Variants in GALNT1 observed in about 807,000 individuals in gnomAD.
GALNT1 encodes the protein polypeptide N-acetylgalactosaminyltransferase 1.
Under a neutral mutation model 65.7 loss-of-function variants are expected in GALNT1, and 17 were observed. The observed-to-expected ratio is 0.26, with a 90% CI of 0.18 to 0.39. The LOEUF (loss-of-function observed/expected upper bound fraction) is 0.39, where lower values mean the gene tolerates loss of function less well. GALNT1 is among the 10% of genes least tolerant of loss of function. The pLI is 1.00. For synonymous variants in GALNT1, 210 were observed against 219.7 expected (o/e 0.96, Z 0.39); for missense variants, 460 against 672.8 (o/e 0.68, Z 3.50).
intron 1 of GALNT1, among the ~76,000 whole-genome samples, chr18:35,648,130 A>AG (rs2047258620): frequency 8.3e-6 from 1 of 120,276 alleles, no homozygotes; most frequent in African/African-American, 3.1e-5. Context: ...GAGGGAGGGA[A>AG]GGAAGGAAGG....
rs981296241 is a variant in GALNT1, at chr18:35,700,795, T to C, written c.1300-2102T>C. Among the ~76,000 whole-genome samples the C allele has an allele frequency of 7.2e-5, 11 of 152,214 alleles. No homozygotes were observed. The East Asian group carries it at 2.1e-3, about 29-fold the overall frequency. On this transcript the variant is annotated intron_variant, in intron 9 of 11. Transcript: ENST00000269195. Reference sequence around the variant, plus strand: ...CCACCACGCCCCGCCAAGAATTGCATTTTTTGTTTTGAATTTTGGTAAAAG... The same window carrying C: ...CCACCACGCCCCGCCAAGAATTGCACTTTTTGTTTTGAATTTTGGTAAAAG...
rs148915494 is a variant in GALNT1, at chr18:35,602,390, G to A, written c.-104+20528G>A. 1.7e-3 allele frequency among the ~76,000 whole-genome samples: 259 copies of A among 152,132 alleles called. 2 individuals carry two copies. Among genetic ancestry groups the A allele is most frequent in the Admixed American group, 3.9e-3 (60 of 15,296 alleles). On this transcript the variant is annotated intron_variant, in intron 1 of 11. Transcript: ENST00000269195. ...GGTGATCTCTGACCTTCCTGTATCT[G>A]TGTATTTATATCTTTCTCTAGGTTT...
intron 1 of GALNT1, among the ~76,000 whole-genome samples, chr18:35,608,418 A>G (rs189413893): frequency 3.9e-4 from 60 of 152,310 alleles, no homozygotes; most frequent in African/African-American, 1.3e-3. Context: ...CCTGTATCTT[A>G]AAAGTAAACT....
intron 1 of GALNT1, among the ~76,000 whole-genome samples, chr18:35,583,618 C>T (rs1049400281): frequency 1.1e-4 from 16 of 152,088 alleles, no homozygotes; most frequent in African/African-American, 3.6e-4. Flanking sequence ...GATACTTAAG[C>T]GTGGTTGTTA....
At chr18:35,658,637 A>G (rs940330086) in intron 2 of GALNT1, among the ~76,000 whole-genome samples, 1 of 151,900 alleles carries the variant, frequency 6.6e-6, no homozygotes, top group Non-Finnish European at 1.5e-5. Flanking sequence ...GGGAGAGGGA[A>G]TGGGTAATGG....
chr18:35,634,671 A>G (rs1357074616), intron 1 of GALNT1, among the ~76,000 whole-genome samples: 6 of 152,236 alleles, frequency 3.9e-5, no homozygotes, highest in Non-Finnish European at 7.3e-5. Flanking sequence ...TCATGTAGGC[A>G]TCTCCTGCCT....
chr18:35,659,516 T>C (rs1206205854), intron 2 of GALNT1, among the ~76,000 whole-genome samples: 1 of 152,204 alleles, frequency 6.6e-6, no homozygotes, highest in East Asian at 1.9e-4. Context: ...GTGGGGGTTA[T>C]GGCCTAGGAA....
At chr18:35,706,170 A>G (rs1230816944) in intron 11 of GALNT1, among the ~76,000 whole-genome samples, 1 of 152,214 alleles carries the variant, frequency 6.6e-6, no homozygotes, top group Non-Finnish European at 1.5e-5. Flanking sequence ...CAGTATTCCA[A>G]AAGTAAATGT....
chr18:35,660,608 T>G (rs1281613235), intron 2 of GALNT1, among the ~76,000 whole-genome samples: 4 of 152,172 alleles, frequency 2.6e-5, no homozygotes, highest in African/African-American at 9.7e-5. Flanking sequence ...TAATAAAATT[T>G]TCACAGAACC....
chr18:35,658,511 T>C (rs2047427803), intron 2 of GALNT1, among the ~76,000 whole-genome samples: 1 of 152,150 alleles, frequency 6.6e-6, no homozygotes, highest in Non-Finnish European at 1.5e-5. Context: ...ATATGAAGTT[T>C]CAGTGCAGTA....
At chr18:35,685,114 G>A (rs886547489) in intron 5 of GALNT1, among the ~76,000 whole-genome samples, 6 of 152,204 alleles carry the variant, frequency 3.9e-5, no homozygotes, top group Middle Eastern at 3.4e-3. Flanking sequence ...GTATAACTGT[G>A]ATATGAAAAC....
chr18:35,708,266 G>A (rs1238468775), intron 11 of GALNT1, among the ~76,000 whole-genome samples: 1 of 151,992 alleles, frequency 6.6e-6, no homozygotes, highest in Non-Finnish European at 1.5e-5. Flanking sequence ...AATTCCCACA[G>A]CCATGCTGAC....
intron 1 of GALNT1, among the ~76,000 whole-genome samples, chr18:35,587,382 A>G (rs1218629134): frequency 6.6e-6 from 1 of 152,196 alleles, no homozygotes; most frequent in Admixed American, 6.5e-5. Flanking sequence ...AAATATCAGC[A>G]CTATGATGAA....
chr18:35,617,927 C>G (rs1325439507), intron 1 of GALNT1, among the ~76,000 whole-genome samples: 7 of 151,918 alleles, frequency 4.6e-5, no homozygotes, highest in Admixed American at 4.6e-4. Flanking sequence ...CTCCCTTTCT[C>G]TTCTTCTTTT....
At chr18:35,599,231 C>T (rs1324915167) in intron 1 of GALNT1, among the ~76,000 whole-genome samples, 1 of 151,988 alleles carries the variant, frequency 6.6e-6, no homozygotes, top group African/African-American at 2.4e-5. Flanking sequence ...GATGTGCTCC[C>T]ATTTGCCTAC....
At chr18:35,614,729 T>C (rs2046761511) in intron 1 of GALNT1, among the ~76,000 whole-genome samples, 1 of 152,060 alleles carries the variant, frequency 6.6e-6, no homozygotes, top group Non-Finnish European at 1.5e-5. Flanking sequence ...TATAGTAAAA[T>C]TTAAGGACTA....
chr18:35,654,902 T>A, intron 2 of GALNT1, 101 bp downstream of exon 2: 1 of 898,032 alleles, frequency 1.1e-6, no homozygotes, highest in Non-Finnish European at 1.5e-6. Flanking sequence ...AGATTAACTG[T>A]AGTCTGTGAC....
intron 1 of GALNT1, among the ~76,000 whole-genome samples, chr18:35,643,325 A>C (rs2047189255): frequency 6.6e-6 from 1 of 152,100 alleles, no homozygotes; most frequent in African/African-American, 2.4e-5. Flanking sequence ...TGAGCATATT[A>C]TTACCTGTTA....
In GALNT1 at chr18:35,643,795, C is replaced by CAA. The variant is rs77572232; in HGVS notation, c.-103-10753_-103-10752dup. On this transcript the variant is annotated intron_variant, in intron 1 of 11. Transcript: ENST00000269195. Reference sequence around the variant, plus strand: ...CCTGGGCAACAGAGTGAGACTGACTCAAAAAAAAAAAAAGAAAAAAAAACA... The same window carrying CAA: ...CCTGGGCAACAGAGTGAGACTGACTCAAAAAAAAAAAAAAAGAAAAAAAAACA... Among the ~76,000 whole-genome samples, 154 of 102,668 alleles carry CAA rather than the reference C, an allele frequency of 1.5e-3. 2 individuals are homozygous for CAA. Among genetic ancestry groups the CAA allele is most frequent in the African/African-American group, 4.0e-3 (118 of 29,300 alleles). The allele number at this position is 102,668 out of a possible 152,430, so 67.4% of individuals were successfully genotyped here. A position where few individuals can be genotyped will look rare whatever the true frequency, so the allele number is the denominator to read the frequency against.
Sources: allele counts gnomAD v4.1 joint callset (sites outside exome capture counted in the v4.1 genomes callset), GRCh38; gene constraint gnomAD v4.1.1; transcripts MANE v1.5; gene names NCBI Gene and HGNC (gene_info 2026-07-23, HGNC 2026-07-21).